The following CDK19 variants were observed in gnomAD, a reference collection of about 807,000 sequenced individuals.
CDK19 encodes cyclin dependent kinase 19.
A neutral mutation model predicts 68.3 loss-of-function variants in CDK19; 20 were observed. The observed-to-expected ratio is 0.29, with a 90% CI of 0.21 to 0.43. The LOEUF is 0.43. CDK19 is among the 20% of genes least tolerant of loss of function. CDK19 has a pLI of 1.00. For missense variants in CDK19, 339 were observed against 623.5 expected (o/e 0.54, Z 4.86); for synonymous variants, 221 against 222.8 (o/e 0.99, Z 0.07).
chr6:110,679,005 C>G (rs900974331), intron 2 of CDK19, among the ~76,000 whole-genome samples: 1 of 152,074 alleles, frequency 6.6e-6, no homozygotes, highest in Non-Finnish European at 1.5e-5. Context: ...CAGCTTGGTT[C>G]CTTCATTCAA....
At chr6:110,762,230 C>G (rs1211274382) in intron 1 of CDK19, among the ~76,000 whole-genome samples, 1 of 152,146 alleles carries the variant, frequency 6.6e-6, no homozygotes, top group Admixed American at 6.6e-5. Flanking sequence ...TACTGTCAAT[C>G]ACAAAATATT....
At chr6:110,730,799 C>G (rs1776690136) in intron 2 of CDK19, among the ~76,000 whole-genome samples, 1 of 152,198 alleles carries the variant, frequency 6.6e-6, no homozygotes, top group Non-Finnish European at 1.5e-5. Flanking sequence ...CACCTGTAAT[C>G]CCAGCACTTT....
chr6:110,792,796 A>G (rs1781692429), intron 1 of CDK19, among the ~76,000 whole-genome samples: 1 of 152,228 alleles, frequency 6.6e-6, no homozygotes, highest in African/African-American at 2.4e-5. Context: ...TTTTTACTCA[A>G]TATCTACCCT....
chr6:110,612,887 G>A lies in CDK19; in HGVS notation c.*1648C>T, dbSNP rs1381214716. 1 of 152,604 alleles carries A rather than the reference G, an allele frequency of 6.6e-6. No individual in the cohort carries two copies. Among genetic ancestry groups the A allele is most frequent in the African/African-American group, 2.4e-5 (1 of 41,438 alleles). 9.5% of individuals were successfully genotyped at this position (152,604 alleles called of 1,614,324 possible). On this transcript the variant is annotated 3_prime_UTR_variant, in exon 13 of 13. Transcript: ENST00000368911. ...CTGGCTACAGTATCACATCAATAGT[G>A]CAAAATGTATACTGGCTTCTGTCTA...
At chr6:110,710,690 T>C (rs1774873735) in intron 2 of CDK19, among the ~76,000 whole-genome samples, 1 of 152,166 alleles carries the variant, frequency 6.6e-6, no homozygotes, top group South Asian at 2.1e-4. Context: ...CTTTCTGTGG[T>C]CCTGTTTATA....
chr6:110,789,729 T>C (rs1032643111), intron 1 of CDK19, among the ~76,000 whole-genome samples: 1 of 152,350 alleles, frequency 6.6e-6, no homozygotes, highest in South Asian at 2.1e-4. Flanking sequence ...CTTTTTATAA[T>C]AGATTTGTGT....
intron 2 of CDK19, among the ~76,000 whole-genome samples, chr6:110,687,542 A>C (rs1450916192): frequency 6.6e-6 from 1 of 152,202 alleles, no homozygotes; most frequent in Non-Finnish European, 1.5e-5. Context: ...TCCATTAAAC[A>C]AAAATGCCAC....
chr6:110,658,290 C>T (rs1216973249), intron 4 of CDK19, among the ~76,000 whole-genome samples: 3 of 152,170 alleles, frequency 2.0e-5, no homozygotes, highest in Non-Finnish European at 4.4e-5. Flanking sequence ...TATGATTCTT[C>T]AGCATGACAA....
chr6:110,787,314 C>A (rs1415718126), intron 1 of CDK19, among the ~76,000 whole-genome samples: 2 of 152,158 alleles, frequency 1.3e-5, no homozygotes, highest in Non-Finnish European at 2.9e-5. Flanking sequence ...GCAGAGTTTG[C>A]AGTGAGTGGA....
In CDK19 at chr6:110,814,979, C is replaced by A. The variant is rs915584819; in HGVS notation, c.128+30G>T. ...GTCGCGGGCAGGGCGAGGACCCGAG[C>A]GAGCCTACTCCTCCCGCCCCTGCTC... On this transcript the variant is annotated intron_variant, in intron 1 of 12. Transcript: ENST00000368911. 2.4e-5 allele frequency: 38 copies of A among 1,597,556 alleles called. 1 individual carries two copies. Among genetic ancestry groups the A allele is most frequent in the Non-Finnish European group, 3.4e-6 (4 of 1,172,936 alleles).
chr6:110,717,778 C>T (rs148134781), intron 2 of CDK19, among the ~76,000 whole-genome samples: 199 of 152,176 alleles, frequency 1.3e-3, no homozygotes, highest in African/African-American at 4.5e-3. Flanking sequence ...CTTGGCTCAC[C>T]GCAACCTCTG....
chr6:110,804,213 G>A (rs1324653689), intron 1 of CDK19, among the ~76,000 whole-genome samples: 3 of 152,054 alleles, frequency 2.0e-5, no homozygotes, highest in Non-Finnish European at 4.4e-5. Context: ...TAGTAACTGA[G>A]ATCATCCATC....
At chr6:110,774,118 A>G (rs955200562) in intron 1 of CDK19, among the ~76,000 whole-genome samples, 18 of 152,254 alleles carry the variant, frequency 1.2e-4, no homozygotes, top group African/African-American at 3.9e-4. Flanking sequence ...AATTATATAT[A>G]ATGCAGCTTA....
intron 4 of CDK19, among the ~76,000 whole-genome samples, chr6:110,663,044 G>A (rs1781712236): frequency 3.3e-5 from 5 of 152,236 alleles, no homozygotes; most frequent in Admixed American, 2.0e-4. Context: ...ATGCCTCTGT[G>A]TGTGATGTCC....
chr6:110,680,963 C>T (rs1771961672), intron 2 of CDK19, among the ~76,000 whole-genome samples: 1 of 151,898 alleles, frequency 6.6e-6, no homozygotes, highest in Non-Finnish European at 1.5e-5. Flanking sequence ...TCCCACTGCA[C>T]TCCAGCCTGG....
At chr6:110,629,479 A>C (rs867232348) in intron 6 of CDK19, among the ~76,000 whole-genome samples, 2 of 152,100 alleles carry the variant, frequency 1.3e-5, no homozygotes, top group Admixed American at 1.3e-4. Flanking sequence ...CTCAGCCTCC[A>C]GAATAGCTGG....
Position 110,815,167 on chromosome 6 carries a change from C to CG in CDK19, c.-32dup. 1 of 1,535,280 alleles carries CG rather than the reference C, an allele frequency of 6.5e-7. No homozygotes were observed. The highest frequency in any genetic ancestry group is 8.8e-7 in the Non-Finnish European group (1 of 1,139,640). The stretch of plus-strand genomic sequence containing the variant: ...GCTTCCCCCATAGAGGCACGGGACG[C>CG]GGGGGCCGCCGCCGCTCAGTCCCTC... On this transcript the variant is annotated 5_prime_UTR_variant, in exon 1 of 13. Transcript: ENST00000368911.
intron 12 of CDK19, among the ~76,000 whole-genome samples, chr6:110,620,134 AG>A (rs1363081674): frequency 6.6e-6 from 1 of 152,124 alleles, no homozygotes; most frequent in Non-Finnish European, 1.5e-5. Context: ...TTCTGCTTGC[AG>A]GGATATTCTG....
chr6:110,727,076 A>AT (rs1776366548), intron 2 of CDK19, among the ~76,000 whole-genome samples: 1 of 152,182 alleles, frequency 6.6e-6, no homozygotes. Flanking sequence ...GAACTTTTCA[A>AT]TAAGTAGGAA....
Sources: gnomAD v4.1 joint callset for allele counts (sites outside exome capture counted in the v4.1 genomes callset) on GRCh38, gnomAD v4.1.1 for gene constraint, MANE v1.5 for transcripts, NCBI Gene and HGNC (gene_info 2026-07-23, HGNC 2026-07-21) for gene names.